Variants in RFX3 observed in about 807,000 individuals in gnomAD.
The protein encoded by RFX3 is transcription factor RFX3.
RFX3 carries 14 observed loss-of-function variants against 98.6 expected under a neutral mutation model. That is an observed-to-expected ratio of 0.14 (90% CI 0.09 to 0.22). RFX3 has a LOEUF of 0.22. Ranked by LOEUF, RFX3 falls within the 10% of genes least tolerant of loss-of-function variation. The pLI, the probability that RFX3 is intolerant of heterozygous loss-of-function variation, is 1.00. For missense variants in RFX3, 639 were observed against 926.9 expected (o/e 0.69, Z 4.03); for synonymous variants, 383 against 328.4 (o/e 1.17, Z -1.80).
intron 5 of RFX3, among the ~76,000 whole-genome samples, chr9:3,299,713 T>C (rs1366759327): frequency 6.6e-6 from 1 of 151,840 alleles, no homozygotes; most frequent in African/African-American, 2.4e-5. Flanking sequence ...CATTTATTAA[T>C]CTTAAACATT....
At chr9:3,480,831 A>AGTAAG in intron 1 of RFX3, among the ~76,000 whole-genome samples, 1 of 138,762 alleles carries the variant, frequency 7.2e-6, no homozygotes, top group Admixed American at 7.1e-5. Context: ...CTGTAGAATA[A>AGTAAG]ATAAGAGCTT....
At chr9:3,454,729 T>G (rs1846991838) in intron 1 of RFX3, among the ~76,000 whole-genome samples, 1 of 152,230 alleles carries the variant, frequency 6.6e-6, no homozygotes, top group Non-Finnish European at 1.5e-5. Context: ...TGGCTATTAT[T>G]GACTATTTTT....
intron 1 of RFX3, among the ~76,000 whole-genome samples, chr9:3,520,203 T>TATTTAAAC (rs1451908131): frequency 6.6e-6 from 1 of 152,228 alleles, no homozygotes; most frequent in East Asian, 1.9e-4. Flanking sequence ...GCAAGACCAG[T>TATTTAAAC]ATTTAAACAT....
intron 5 of RFX3, among the ~76,000 whole-genome samples, chr9:3,299,432 A>C (rs376459271): frequency 6.6e-6 from 1 of 151,662 alleles, no homozygotes; most frequent in African/African-American, 2.4e-5. Flanking sequence ...CTGTTTATAA[A>C]CCATCCGTAG....
intron 1 of RFX3, among the ~76,000 whole-genome samples, chr9:3,492,131 T>C (rs1164859694): frequency 6.6e-6 from 1 of 152,208 alleles, no homozygotes; most frequent in Non-Finnish European, 1.5e-5. Context: ...GGTAATTAGG[T>C]GCTGGAGGAT....
chr9:3,419,651 C>A (rs1250979657), intron 1 of RFX3, among the ~76,000 whole-genome samples: 1 of 152,216 alleles, frequency 6.6e-6, no homozygotes, highest in African/African-American at 2.4e-5. Context: ...CCGTTGGTAT[C>A]TGCAGGGTAT....
At chr9:3,496,383 T>C (rs1851111467) in intron 1 of RFX3, among the ~76,000 whole-genome samples, 2 of 152,020 alleles carry the variant, frequency 1.3e-5, no homozygotes, top group Non-Finnish European at 2.9e-5. Flanking sequence ...GAATTCTTAA[T>C]CACTTACCAA....
chr9:3,218,796 C>A lies in RFX3; in HGVS notation c.*6246G>T, dbSNP rs1176625747. On this transcript the variant is annotated 3_prime_UTR_variant, in exon 17 of 17. Transcript: ENST00000617270. Reference sequence around the variant, plus strand: ...ACCTCATTTACATAATATATTCAGTCGATTGTAAAATAAATGTTCAAATAT... The same window carrying A: ...ACCTCATTTACATAATATATTCAGTAGATTGTAAAATAAATGTTCAAATAT... 6.6e-6 allele frequency: 1 copy of A among 151,974 alleles called. No homozygotes were observed. The highest frequency in any genetic ancestry group is 2.1e-4 in the South Asian group (1 of 4,812). The allele number at this position is 151,974 out of a possible 1,614,324, so 9.4% of individuals were successfully genotyped here.
rs1203047996 is a variant in RFX3 at position 3,302,835 on chromosome 9, A to C, written c.475-1215T>G. Among the ~76,000 whole-genome samples the C allele has an allele frequency of 4.6e-5, 7 of 151,928 alleles. 1 individual carries two copies. In the South Asian group the frequency reaches 1.5e-3, roughly 32 times the overall value. ...AATACTCAGTATCAATTATACCAACATTAAATCTAATTTTCTTCTAAACAA... is the reference window on the plus strand; with the variant it reads ...AATACTCAGTATCAATTATACCAACCTTAAATCTAATTTTCTTCTAAACAA... On this transcript the variant is annotated intron_variant, in intron 4 of 16. Coordinates refer to ENST00000617270, the MANE Select transcript of RFX3 (RefSeq NM_001282116.2).
intron 4 of RFX3, among the ~76,000 whole-genome samples, chr9:3,304,659 T>G (rs1829066196): frequency 6.6e-6 from 1 of 151,984 alleles, no homozygotes; most frequent in African/African-American, 2.4e-5. Flanking sequence ...TATAAAGGGT[T>G]TCCCCTTTTG....
At chr9:3,270,239 G>C in intron 11 of RFX3, 132 bp downstream of exon 11, 1 of 873,868 alleles carries the variant, frequency 1.1e-6, no homozygotes, top group Non-Finnish European at 1.7e-6. Flanking sequence ...GCAATATTCT[G>C]TGTTGCATGT....
In RFX3 at chr9:3,404,989, T is replaced by G. The variant is rs564321454; in HGVS notation, c.-8-9393A>C. 3.9e-4 allele frequency among the ~76,000 whole-genome samples: 60 copies of G among 152,324 alleles called. No individual in the cohort carries two copies. In the South Asian group the frequency reaches 0.01, roughly 26 times the overall value. Reference sequence around the variant, plus strand: ...AGAAGATCAACTTTTCCAAAGTCACTAAGGAACAATCTTTTAATCTGCAAA... The same window carrying G: ...AGAAGATCAACTTTTCCAAAGTCACGAAGGAACAATCTTTTAATCTGCAAA... On this transcript the variant is annotated intron_variant, in intron 1 of 16. Coordinates refer to ENST00000617270, the MANE Select transcript of RFX3 (RefSeq NM_001282116.2).
In RFX3 at chr9:3,220,010, T is replaced by C. The variant is rs1156993198; in HGVS notation, c.*5032A>G. ...AGATTCCCTTGAACAAAATCAGCAA[T>C]GGTGTAAGCAGACTGACATTTAGAG... is the stretch of plus-strand genomic sequence containing the variant. On this transcript the variant is annotated 3_prime_UTR_variant, in exon 17 of 17. Coordinates refer to ENST00000617270, the MANE Select transcript of RFX3 (RefSeq NM_001282116.2). The C allele has an allele frequency of 6.6e-6, 1 of 152,160 alleles. No individual in the cohort carries two copies. Among genetic ancestry groups the C allele is most frequent in the East Asian group, 1.9e-4 (1 of 5,198 alleles). The allele number at this position is 152,160 out of a possible 1,614,324, so 9.4% of individuals were successfully genotyped here. A position where few individuals can be genotyped will look rare whatever the true frequency, so the allele number is the denominator to read the frequency against.
At chr9:3,426,648 A>G (rs1209321240) in intron 1 of RFX3, among the ~76,000 whole-genome samples, 1 of 152,130 alleles carries the variant, frequency 6.6e-6, no homozygotes, top group East Asian at 1.9e-4. Flanking sequence ...CGATTCTCAT[A>G]GGAATGCAAA....
chr9:3,367,908 G>A lies in RFX3; in HGVS notation c.118-21144C>T, dbSNP rs183799220. On this transcript the variant is annotated intron_variant, in intron 2 of 16. Transcript: ENST00000617270. ...AGTAAAGTATCACATGAAAATTTAG[G>A]AGAATGCTATCATCAATCCCTAGAA... 3.9e-5 allele frequency among the ~76,000 whole-genome samples: 6 copies of A among 152,290 alleles called. No homozygotes were observed. The East Asian group carries it at 1.2e-3, about 29-fold the overall frequency.
At chr9:3,258,577 T>C (rs1352683361) in intron 13 of RFX3, among the ~76,000 whole-genome samples, 1 of 152,072 alleles carries the variant, frequency 6.6e-6, no homozygotes, top group Admixed American at 6.5e-5. Context: ...TTTCCTCTTA[T>C]CTAATTAATC....
chr9:3,310,753 A>T (rs1428419439), intron 4 of RFX3, among the ~76,000 whole-genome samples: 1 of 152,190 alleles, frequency 6.6e-6, no homozygotes, highest in East Asian at 1.9e-4. Flanking sequence ...TAACTATGAA[A>T]TTGAAATCCA....
chr9:3,419,531 T>G (rs900663059), intron 1 of RFX3, among the ~76,000 whole-genome samples: 1 of 152,204 alleles, frequency 6.6e-6, no homozygotes, highest in African/African-American at 2.4e-5. Flanking sequence ...TGAATCAATA[T>G]GGTAATAAAA....
chr9:3,302,473 G>C (rs1231701557), intron 4 of RFX3, among the ~76,000 whole-genome samples: 4 of 151,628 alleles, frequency 2.6e-5, no homozygotes, highest in Admixed American at 1.3e-4. Flanking sequence ...ATTAAAAACA[G>C]GTACTGAACA....
Sources: gnomAD v4.1 joint callset for allele counts (sites outside exome capture counted in the v4.1 genomes callset) on GRCh38, gnomAD v4.1.1 for gene constraint, MANE v1.5 for transcripts, NCBI Gene and HGNC (gene_info 2026-07-23, HGNC 2026-07-21) for gene names.